Variants in DCAF8 observed in about 807,000 individuals in gnomAD.
The protein encoded by DCAF8 is DDB1- and CUL4-associated factor 8.
In DCAF8, 20 loss-of-function variants were observed where a neutral mutation model predicts 68.0. The ratio of observed to expected loss-of-function variants is 0.29; its 90% CI spans 0.21 to 0.43. The LOEUF (loss-of-function observed/expected upper bound fraction) is 0.43, where lower values mean the gene tolerates loss of function less well. Ranked by LOEUF, DCAF8 falls within the 20% of genes least tolerant of loss-of-function variation. The pLI, the probability that DCAF8 is intolerant of heterozygous loss-of-function variation, is 1.00. For missense variants in DCAF8, 460 were observed against 771.0 expected, an observed-to-expected ratio of 0.60 and a Z score of 4.78; for synonymous variants, 230 against 276.9, an observed-to-expected ratio of 0.83 and a Z score of 1.68.
Position 160,216,218 on chromosome 1 carries a change from C to G in DCAF8, c.*1374G>C, listed in dbSNP as rs1398479060. The G allele has an allele frequency of 6.6e-6, 1 of 152,094 alleles. No homozygotes were observed. Among genetic ancestry groups the G allele is most frequent in the Non-Finnish European group, 1.5e-5 (1 of 68,040 alleles). The allele number at this position is 152,094 out of a possible 1,614,324, so 9.4% of individuals were successfully genotyped here. On this transcript the variant is annotated 3_prime_UTR_variant, in exon 14 of 14. Coordinates refer to ENST00000368074, the MANE Select transcript of DCAF8 (RefSeq NM_015726.4). The stretch of plus-strand genomic sequence containing the variant: ...AACCCAGGAAGTCTTTCCCTTCACT[C>G]TTCTATAAAGAAGGGAACTGGCATG...
At chr1:160,251,004 G>A (rs1014099675) in intron 2 of DCAF8, among the ~76,000 whole-genome samples, 7 of 152,006 alleles carry the variant, frequency 4.6e-5, no homozygotes, top group South Asian at 2.1e-4. Flanking sequence ...ACCTGAATTC[G>A]GTCTGTCAAA....
rs977126285 is a variant in DCAF8 at position 160,226,689 on chromosome 1, T to C, written c.1071-1026A>G. Among the ~76,000 whole-genome samples the C allele has an allele frequency of 3.9e-5, 6 of 152,310 alleles. No individual in the cohort carries two copies. The South Asian group carries it at 1.0e-3, about 26-fold the overall frequency. ...GCTGACTGTCCTTTCCTACTATTGCTTTTTTTCTCCTTCCCCTTACAGTTA... is the reference window on the plus strand; with the variant it reads ...GCTGACTGTCCTTTCCTACTATTGCCTTTTTTCTCCTTCCCCTTACAGTTA... On this transcript the variant is annotated intron_variant, in intron 7 of 13. Coordinates refer to ENST00000368074, the MANE Select transcript of DCAF8 (RefSeq NM_015726.4).
chr1:160,244,012 G>T lies in DCAF8; in HGVS notation c.-4C>A, dbSNP rs1407890312. On this transcript the variant is annotated 5_prime_UTR_variant, in exon 3 of 14. Transcript: ENST00000368074. ...TGCTGCTCCCTTTGCTGGACATCTTGAATGATGTTTGCTGTAGCCAGCCTG... is the reference window on the plus strand; with the variant it reads ...TGCTGCTCCCTTTGCTGGACATCTTTAATGATGTTTGCTGTAGCCAGCCTG... 6.2e-7 allele frequency: 1 copy of T among 1,614,118 alleles called. No individual in the cohort carries two copies. Among genetic ancestry groups the T allele is most frequent in the South Asian group, 1.1e-5 (1 of 91,084 alleles).
At chr1:160,241,446 C>T (rs1292844764) in intron 3 of DCAF8, among the ~76,000 whole-genome samples, 2 of 152,106 alleles carry the variant, frequency 1.3e-5, no homozygotes, top group Admixed American at 6.5e-5. Flanking sequence ...GTGCCTAAGA[C>T]GAAAGTTCAG....
rs746794374 is a variant in DCAF8 at position 160,262,543 on chromosome 1, G to C, written c.-195C>G. The C allele has an allele frequency of 2.5e-6, 1 of 398,712 alleles. No individual in the cohort carries two copies. The highest frequency in any genetic ancestry group is 4.4e-6 in the Non-Finnish European group (1 of 225,982). The allele number at this position is 398,712 out of a possible 1,614,324, so 24.7% of individuals were successfully genotyped here. A position where few individuals can be genotyped will look rare whatever the true frequency, so the allele number is the denominator to read the frequency against. On this transcript the variant is annotated 5_prime_UTR_variant, in exon 1 of 14. Coordinates refer to ENST00000368074, the MANE Select transcript of DCAF8 (RefSeq NM_015726.4). ...GCCCCGTTTGCGACGATGTGCTCGA[G>C]AAGACTGAGGGAAGAGTGGTCGCGC...
At chr1:160,262,085 G>C (rs541496686) in intron 1 of DCAF8, 29 of 361,348 alleles carry the variant, frequency 8.0e-5, no homozygotes, top group Non-Finnish European at 1.3e-4. Flanking sequence ...TGAACTGTGC[G>C]GCTGGCTCTT....
chr1:160,249,715 C>T (rs1204833374), intron 2 of DCAF8, among the ~76,000 whole-genome samples: 1 of 152,132 alleles, frequency 6.6e-6, no homozygotes, highest in Non-Finnish European at 1.5e-5. Context: ...AATAGTTTTA[C>T]TTAAATTCAT....
intron 2 of DCAF8, among the ~76,000 whole-genome samples, chr1:160,256,929 C>CTA (rs1421024580): frequency 1.3e-5 from 2 of 152,162 alleles, no homozygotes; most frequent in Non-Finnish European, 2.9e-5. Context: ...AAAGAAGTGA[C>CTA]TAATTCATAA....
intron 4 of DCAF8, 87 bp downstream of exon 4, chr1:160,239,610 A>C: frequency 6.2e-7 from 1 of 1,613,264 alleles, no homozygotes; most frequent in Non-Finnish European, 8.5e-7. Flanking sequence ...ACAATAACTC[A>C]CTATCAGCTC....
At chr1:160,239,012 A>C in intron 4 of DCAF8, 1 of 496,544 alleles carries the variant, frequency 2.0e-6, no homozygotes, top group Non-Finnish European at 3.1e-6. Context: ...GCTCAGATGA[A>C]CTAGGACTGT....
intron 12 of DCAF8, 88 bp downstream of exon 12, chr1:160,218,761 G>A: frequency 1.9e-6 from 3 of 1,567,146 alleles, no homozygotes; most frequent in Non-Finnish European, 2.6e-6. Context: ...TAAAGAACTG[G>A]GCAGCAAGTT....
chr1:160,218,566 G>C (rs1655198913), intron 12 of DCAF8, 126 bp from the exon 13 acceptor site: 2 of 820,928 alleles, frequency 2.4e-6, no homozygotes, highest in East Asian at 4.9e-5. Context: ...CATTAGATTA[G>C]GAAATGATGC....
At chr1:160,254,989 T>A (rs931964247) in intron 2 of DCAF8, among the ~76,000 whole-genome samples, 2 of 152,208 alleles carry the variant, frequency 1.3e-5, no homozygotes, top group African/African-American at 4.8e-5. Context: ...TAAGAGCCTG[T>A]TTGTACATAG....
intron 6 of DCAF8, among the ~76,000 whole-genome samples, chr1:160,236,277 T>C (rs11591179): frequency 0.6 from 87,681 of 145,242 alleles, 25,823 homozygotes; most frequent in African/African-American, 0.75. Flanking sequence ...CACACACACA[T>C]ACATACACGT....
chr1:160,225,159 C>A (rs368028669), intron 8 of DCAF8, 40 bp from the exon 9 acceptor site: 2 of 1,595,966 alleles, frequency 1.3e-6, no homozygotes, highest in South Asian at 1.1e-5. Context: ...CCCCACCCCC[C>A]CATTTGTTAT....
At chr1:160,254,151 G>A (rs562487073) in intron 2 of DCAF8, among the ~76,000 whole-genome samples, 22 of 151,834 alleles carry the variant, frequency 1.4e-4, no homozygotes, top group African/African-American at 5.1e-4. Context: ...GTGAAGCTCC[G>A]TCTCTACTAA....
chr1:160,259,678 T>C lies in DCAF8; in HGVS notation c.-27+1607A>G, dbSNP rs1656988827. Reference sequence around the variant, plus strand: ...ATAGCCCAACAAGAAGGAAAAAATGTATTCCCTTCATGGCAAAAAAGGAAA... The same window carrying C: ...ATAGCCCAACAAGAAGGAAAAAATGCATTCCCTTCATGGCAAAAAAGGAAA... On this transcript the variant is annotated intron_variant, in intron 2 of 13. Transcript: ENST00000368074. Among the ~76,000 whole-genome samples the C allele has an allele frequency of 3.9e-5, 6 of 152,192 alleles. No individual in the cohort carries two copies. In the South Asian group the frequency reaches 1.2e-3, roughly 32 times the overall value.
At chr1:160,246,758 T>A (rs1480301663) in intron 2 of DCAF8, among the ~76,000 whole-genome samples, 1 of 151,484 alleles carries the variant, frequency 6.6e-6, no homozygotes, top group Non-Finnish European at 1.5e-5. Flanking sequence ...GAGGCAGGAG[T>A]TGGAGACCAG....
chr1:160,259,628 A>G (rs1656986881), intron 2 of DCAF8, among the ~76,000 whole-genome samples: 1 of 152,186 alleles, frequency 6.6e-6, no homozygotes. Flanking sequence ...CAGTTCTTTG[A>G]TAATTTGTTG....
Sources: allele counts gnomAD v4.1 joint callset (sites outside exome capture counted in the v4.1 genomes callset), GRCh38; gene constraint gnomAD v4.1.1; transcripts MANE v1.5; gene names NCBI Gene and HGNC (gene_info 2026-07-23, HGNC 2026-07-21).